PPME1: variants seen among roughly 807,000 people sequenced by gnomAD.
The protein encoded by PPME1 is protein phosphatase methylesterase 1.
Under a neutral mutation model 56.9 loss-of-function variants are expected in PPME1, and 17 were observed. The observed-to-expected ratio is 0.30, with a 90% CI of 0.20 to 0.45. The LOEUF (loss-of-function observed/expected upper bound fraction) is 0.45. PPME1 is among the 20% of genes least tolerant of loss of function. PPME1 has a pLI of 1.00. For missense variants in PPME1, 357 were observed against 483.2 expected (o/e 0.74, Z 2.45); for synonymous variants, 122 against 156.2 (o/e 0.78, Z 1.63).
chr11:74,247,355 A>G, intron 11 of PPME1: 1 of 503,278 alleles, frequency 2.0e-6, no homozygotes, highest in South Asian at 3.0e-5. Flanking sequence ...AGATTATAAT[A>G]CTACTACCTA....
intron 1 of PPME1, among the ~76,000 whole-genome samples, chr11:74,182,994 CAAAA>C (rs34350281): frequency 1.5e-5 from 2 of 129,550 alleles, no homozygotes; most frequent in Non-Finnish European, 1.6e-5. Flanking sequence ...TTGTCTCTAC[CAAAA>C]AAAAAAAAAA....
At chr11:74,224,063 T>G (rs1858871411) in intron 4 of PPME1, among the ~76,000 whole-genome samples, 2 of 151,784 alleles carry the variant, frequency 1.3e-5, no homozygotes, top group Admixed American at 1.3e-4. Context: ...CTTCTAGGGT[T>G]TTTATGGTTT....
intron 1 of PPME1, among the ~76,000 whole-genome samples, chr11:74,179,912 A>G (rs1196059540): frequency 1.3e-5 from 2 of 152,204 alleles, no homozygotes; most frequent in Non-Finnish European, 1.5e-5. Context: ...TTTAGCCTCC[A>G]CTACCAGACT....
chr11:74,249,070 G>A (rs1859585026), intron 11 of PPME1: 1 of 152,212 alleles, frequency 6.6e-6, no homozygotes, highest in East Asian at 1.9e-4. Context: ...ATTATATTCA[G>A]GAAGTAATCA....
At position 74,240,733 on chromosome 11, in the gene PPME1, T is replaced by G. The variant is rs543328179; in HGVS notation, c.834+1477T>G. Among the ~76,000 whole-genome samples, 45 of 152,322 alleles carry G rather than the reference T, an allele frequency of 3.0e-4. 1 individual carries two copies. Among genetic ancestry groups the G allele is most frequent in the Admixed American group, 2.3e-3 (35 of 15,302 alleles). On this transcript the variant is annotated intron_variant, in intron 9 of 13. Transcript: ENST00000328257. ...GAACACCTTATGAGGTGTGGAGAGA[T>G]CTTTTCTCCCATATTATGGTGTAGA...
At chr11:74,194,779 A>T (rs1374989124) in intron 1 of PPME1, among the ~76,000 whole-genome samples, 1 of 152,318 alleles carries the variant, frequency 6.6e-6, no homozygotes, top group East Asian at 1.9e-4. Context: ...TATTTTCAAC[A>T]TGCAAAGTTT....
At chr11:74,250,847 G>GGTT in intron 11 of PPME1, 107 bp from the exon 12 acceptor site, 1 of 873,696 alleles carries the variant, frequency 1.1e-6, no homozygotes, top group Non-Finnish European at 1.9e-6. Context: ...ATTGAGGTGA[G>GGTT]GTTGGAAATG....
intron 1 of PPME1, among the ~76,000 whole-genome samples, chr11:74,171,739 G>C (rs1465735355): frequency 6.6e-6 from 1 of 151,904 alleles, no homozygotes; most frequent in African/African-American, 2.4e-5. Context: ...TGAAGGGAGA[G>C]GGGAATGAGG....
chr11:74,212,241 T>C (rs1206204126), intron 3 of PPME1, among the ~76,000 whole-genome samples: 1 of 152,192 alleles, frequency 6.6e-6, no homozygotes. Flanking sequence ...AACTCAGTGC[T>C]GCCCTGTCAC....
intron 2 of PPME1, 66 bp downstream of exon 2, chr11:74,203,887 G>A: frequency 8.4e-7 from 1 of 1,192,340 alleles, no homozygotes; most frequent in Non-Finnish European, 1.2e-6. Flanking sequence ...AAAGACTTGT[G>A]TAGTTTCTAA....
intron 1 of PPME1, among the ~76,000 whole-genome samples, chr11:74,183,070 GAGGATTGCTTGAGCCC>G (rs955373344): frequency 2.6e-5 from 4 of 152,042 alleles, no homozygotes; most frequent in African/African-American, 9.7e-5. Context: ...TTCGAGGTGG[GAGGATTGCTTGAGCCC>G]AGGAATTTGA....
intron 1 of PPME1, among the ~76,000 whole-genome samples, chr11:74,179,980 C>T (rs1487315429): frequency 6.6e-6 from 1 of 152,200 alleles, no homozygotes; most frequent in Non-Finnish European, 1.5e-5. Context: ...TGTGCCCATT[C>T]ATGACTCATC....
chr11:74,176,293 T>G (rs1857398520), intron 1 of PPME1, among the ~76,000 whole-genome samples: 1 of 152,198 alleles, frequency 6.6e-6, no homozygotes, highest in Non-Finnish European at 1.5e-5. Flanking sequence ...ATCCATCTTC[T>G]TAAATTTATT....
At chr11:74,251,101 G>C in intron 12 of PPME1, 83 bp downstream of exon 12, 1 of 1,535,542 alleles carries the variant, frequency 6.5e-7, no homozygotes, top group Non-Finnish European at 8.8e-7. Flanking sequence ...CTGAGTCTCA[G>C]CCTGCATTGC....
rs536797918 is a variant in PPME1, at chr11:74,180,039, C to G, written c.101+8517C>G. 4.6e-5 allele frequency among the ~76,000 whole-genome samples: 7 copies of G among 152,240 alleles called. No homozygotes were observed. In the South Asian group the frequency reaches 1.2e-3, roughly 27 times the overall value. On this transcript the variant is annotated intron_variant, in intron 1 of 13. Coordinates refer to ENST00000328257, the MANE Select transcript of PPME1 (RefSeq NM_016147.3). ...GCAGCCTAGATGTTGATGTGTTATT[C>G]CTATTTAGATTTGAGACATTCATGT...
chr11:74,201,096 C>T (rs2135620261), intron 1 of PPME1, among the ~76,000 whole-genome samples: 1 of 152,178 alleles, frequency 6.6e-6, no homozygotes, highest in South Asian at 2.1e-4. Flanking sequence ...CTGCCTCAGC[C>T]TCCTGAGTAG....
At chr11:74,215,044 T>C (rs1224447153) in intron 3 of PPME1, among the ~76,000 whole-genome samples, 4 of 152,090 alleles carry the variant, frequency 2.6e-5, no homozygotes, top group African/African-American at 9.7e-5. Context: ...AATATATAAA[T>C]AGAAACAATA....
At chr11:74,217,541 CAAAAA>C (rs61139169) in intron 3 of PPME1, among the ~76,000 whole-genome samples, 12 of 78,998 alleles carry the variant, frequency 1.5e-4, no homozygotes, top group South Asian at 4.8e-4. Context: ...GACTCCGTCT[CAAAAA>C]AAAAAAAAAA....
intron 11 of PPME1, chr11:74,248,822 G>T (rs1056256890): frequency 1.3e-5 from 2 of 152,212 alleles, no homozygotes; most frequent in African/African-American, 2.4e-5. Context: ...CCCTGAGACT[G>T]CCTGAAGGCA....
Sources: allele counts gnomAD v4.1 joint callset (sites outside exome capture counted in the v4.1 genomes callset), GRCh38; gene constraint gnomAD v4.1.1; transcripts MANE v1.5; gene names NCBI Gene and HGNC (gene_info 2026-07-23, HGNC 2026-07-21).